The following ALMS1 variants were observed in gnomAD, a reference collection of about 807,000 sequenced individuals.
ALMS1 encodes ALMS1 centrosome and basal body associated protein, also known as centrosome-associated protein ALMS1.
In ALMS1, 271 loss-of-function variants were observed where a neutral mutation model predicts 352.2. The ratio of observed to expected loss-of-function variants is 0.77; its 90% CI spans 0.70 to 0.85. The LOEUF (loss-of-function observed/expected upper bound fraction) is 0.85. Among genes scored for constraint, ALMS1 ranks in the 40% least tolerant of loss-of-function variants. The pLI is 0.00. For synonymous variants in ALMS1, 1,865 were observed against 1,761.2 expected, an observed-to-expected ratio of 1.06 and a Z score of -1.48; for missense variants, 5,445 against 4,870.7, an observed-to-expected ratio of 1.12 and a Z score of -3.51.
chr2:73,486,263 A>G (rs886934181), intron 9 of ALMS1, among the ~76,000 whole-genome samples: 4 of 151,994 alleles, frequency 2.6e-5, no homozygotes, highest in African/African-American at 9.7e-5. Context: ...GCTGGGAGAG[A>G]GAGGGGCATT....
At chr2:73,385,832 C>T (rs1212398616), upstream of ALMS1, 3 of 680,846 alleles carry the variant, frequency 4.4e-6, no homozygotes, top group South Asian at 3.2e-5. Context: ...CTCCCCCCCT[C>T]CTCCTCCTCC....
intron 1 of ALMS1, among the ~76,000 whole-genome samples, chr2:73,399,016 G>GT (rs980698234): frequency 3.5e-4 from 53 of 151,380 alleles, no homozygotes; most frequent in South Asian, 2.9e-3. Flanking sequence ...GCTAATTTTT[G>GT]TTTTTTTTGT....
intron 9 of ALMS1, chr2:73,470,714 C>G (rs533788235): frequency 6.6e-5 from 10 of 151,748 alleles, no homozygotes; most frequent in Non-Finnish European, 1.3e-4. Context: ...CTGACATCTT[C>G]TACTGTATTG....
In ALMS1 at chr2:73,464,557, A is replaced by C. The variant is rs1204487155; in HGVS notation, c.7674+9262A>C. On this transcript the variant is annotated intron_variant, in intron 9 of 22. Coordinates refer to ENST00000613296, the MANE Select transcript of ALMS1 (RefSeq NM_001378454.1). ...GCACAAGACAGGGGTGCCCTCTCTC[A>C]CCACTCCTATTCAACATAGTGTTGG... 2.6e-5 allele frequency among the ~76,000 whole-genome samples: 4 copies of C among 152,156 alleles called. 1 individual carries two copies.
At chr2:73,543,210 C>T (rs928863443) in intron 12 of ALMS1, among the ~76,000 whole-genome samples, 60 of 152,214 alleles carry the variant, frequency 3.9e-4, no homozygotes, top group African/African-American at 1.2e-3. Context: ...GAAATAATGC[C>T]GCATATCTAC....
At chr2:73,491,933 A>G (rs1031078557) in intron 10 of ALMS1, among the ~76,000 whole-genome samples, 1 of 152,012 alleles carries the variant, frequency 6.6e-6, no homozygotes, top group African/African-American at 2.4e-5. Context: ...GACTTCCCTC[A>G]AATATTTAGT....
intron 16 of ALMS1, 88 bp downstream of exon 16, chr2:73,573,512 G>A (rs1674990332): frequency 7.1e-7 from 1 of 1,401,650 alleles, no homozygotes; most frequent in South Asian, 1.2e-5. Context: ...AAAAAAACAA[G>A]CCATTTGCCC....
At chr2:73,557,099 G>C (rs1283153657) in intron 13 of ALMS1, 121 bp from the exon 14 acceptor site, 6 of 1,346,232 alleles carry the variant, frequency 4.5e-6, no homozygotes, top group Non-Finnish European at 6.4e-6. Context: ...AGCCTAAGAG[G>C]TACTTTTTTC....
intron 4 of ALMS1, among the ~76,000 whole-genome samples, chr2:73,423,421 T>A (rs1380241062): frequency 6.6e-6 from 1 of 152,172 alleles, no homozygotes; most frequent in Non-Finnish European, 1.5e-5. Context: ...ATAGGAGGTG[T>A]CAATATGAAG....
chr2:73,600,971 T>C lies in ALMS1; in HGVS notation c.11872+90T>C, dbSNP rs200175259. 6.9e-5 allele frequency: 101 copies of C among 1,473,154 alleles called. No homozygotes were observed. The East Asian group carries it at 2.4e-3, about 36-fold the overall frequency. The allele number at this position is 1,473,154 out of a possible 1,614,324, so 91.3% of individuals were successfully genotyped here. The stretch of plus-strand genomic sequence containing the variant: ...GACTCTGTGTTTCCAAGTGACTCTA[T>C]GTGGTCCCCACCTACCCCCAGCCAC... On this transcript the variant is annotated intron_variant, in intron 18 of 22. Coordinates refer to ENST00000613296, the MANE Select transcript of ALMS1 (RefSeq NM_001378454.1).
Position 73,519,650 on chromosome 2 carries a change from A to G in ALMS1, c.9540-125A>G, listed in dbSNP as rs1158972396. On this transcript the variant is annotated intron_variant, in intron 10 of 22. Transcript: ENST00000613296. ...AAATTTTACCTTAATAACGTTTGAC[A>G]TTGATGTGTCCACAATATATTCCTA... The G allele has an allele frequency of 8.0e-6, 10 of 1,256,900 alleles. No homozygotes were observed. In the East Asian group the frequency reaches 2.1e-4, roughly 26 times the overall value. 77.9% of individuals were successfully genotyped at this position (1,256,900 alleles called of 1,614,324 possible).
Position 73,490,106 on chromosome 2 carries a change from C to T in ALMS1, c.8147C>T (p.Thr2716Ile). ...ATGAAAAAGTTTACTACCTCCATCA[C>T]TTTTTCATCTCACCGACATTCTAAA... ...EPMKKFTTSITFSSHRHSKCI... is the reference protein window; with the variant it reads ...EPMKKFTTSIIFSSHRHSKCI... The change falls in exon 10 of 23, where the codon ACT becomes ATT. Residue 2716 changes from threonine (T) to isoleucine (I), a missense_variant. Thr to Ile is a moderately conservative substitution (Grantham distance 89). Coordinates refer to ENST00000613296, the MANE Select transcript of ALMS1 (RefSeq NM_001378454.1). 1 of 1,614,204 alleles carries T rather than the reference C, an allele frequency of 6.2e-7. No homozygotes were observed. Among genetic ancestry groups the T allele is most frequent in the Non-Finnish European group, 8.5e-7 (1 of 1,180,044 alleles).
At chr2:73,405,400 C>T (rs1454560590) in intron 1 of ALMS1, among the ~76,000 whole-genome samples, 1 of 152,032 alleles carries the variant, frequency 6.6e-6, no homozygotes, top group African/African-American at 2.4e-5. Flanking sequence ...CTCCTATGAT[C>T]CTTTTTATTT....
chr2:73,448,420 T>C lies in ALMS1; in HGVS notation c.1893T>C (p.Phe631=), dbSNP rs1296914821. The C allele has an allele frequency of 6.2e-7, 1 of 1,613,904 alleles. No homozygotes were observed. Among genetic ancestry groups the C allele is most frequent in the East Asian group, 2.2e-5 (1 of 44,868 alleles). Residue 631 remains phenylalanine, a synonymous_variant, in exon 8 of 23, where the codon TTT becomes TTC. Transcript: ENST00000613296. ...SYSHREKPGT[F]YQQELPESNL... is the part of the protein sequence containing the mutation. ...CACATAGAGAGAAGCCTGGTACTTTTTACCAACAAGAGTTACCAGAGAGTA... is the reference window on the plus strand; with the variant it reads ...CACATAGAGAGAAGCCTGGTACTTTCTACCAACAAGAGTTACCAGAGAGTA...
chr2:73,561,787 G>A (rs1375240895), intron 15 of ALMS1, among the ~76,000 whole-genome samples: 3 of 152,090 alleles, frequency 2.0e-5, no homozygotes, highest in African/African-American at 7.3e-5. Flanking sequence ...CAACTTTGCA[G>A]GGGTTAGTGT....
At position 73,448,133 on chromosome 2, in the gene ALMS1, A is replaced by G. The variant is rs1402506238; in HGVS notation, c.1606A>G (p.Thr536Ala). The part of the protein sequence containing the change: ...LETTTGQHTD[T>A]LNQKTLADTH... ...AACTACTACTGGTCAACACACTGATACTCTCAACCAAAAGACATTAGCAGA... is the reference window on the plus strand; with the variant it reads ...AACTACTACTGGTCAACACACTGATGCTCTCAACCAAAAGACATTAGCAGA... Residue 536 changes from threonine (T) to alanine (A), a missense_variant, in exon 8 of 23, where the codon ACT becomes GCT. Physicochemically the swap from Thr to Ala is moderately conservative, Grantham distance 58. Coordinates refer to ENST00000613296, the MANE Select transcript of ALMS1 (RefSeq NM_001378454.1). The G allele has an allele frequency of 6.2e-7, 1 of 1,613,922 alleles. No individual in the cohort carries two copies. Among genetic ancestry groups the G allele is most frequent in the Non-Finnish European group, 8.5e-7 (1 of 1,179,882 alleles).
chr2:73,491,130 C>T lies in ALMS1; in HGVS notation c.9171C>T (p.Ser3057=), dbSNP rs1157529422. Reference sequence around the variant, plus strand: ...TAACTCTTTGTCCCAAGACTTCTTCCAAGTTGGATAGTGGAACTTTAGATG... The same window carrying T: ...TAACTCTTTGTCCCAAGACTTCTTCTAAGTTGGATAGTGGAACTTTAGATG... ...VHITLCPKTS[S]KLDSGTLDER... Residue 3057 remains serine (S), a synonymous_variant, in exon 10 of 23, where the codon TCC becomes TCT. Transcript: ENST00000613296. The T allele has an allele frequency of 6.2e-7, 1 of 1,614,024 alleles. No homozygotes were observed. Among genetic ancestry groups the T allele is most frequent in the Non-Finnish European group, 8.5e-7 (1 of 1,180,026 alleles).
chr2:73,576,298 C>T (rs1284140699), intron 16 of ALMS1, among the ~76,000 whole-genome samples: 1 of 151,974 alleles, frequency 6.6e-6, no homozygotes, highest in African/African-American at 2.4e-5. Context: ...TGTTTGGTTT[C>T]CCTTGAGATT....
intron 9 of ALMS1, among the ~76,000 whole-genome samples, chr2:73,483,469 TG>T (rs1672758285): frequency 6.6e-6 from 1 of 151,910 alleles, no homozygotes; most frequent in African/African-American, 2.4e-5. Flanking sequence ...CTTTTACATT[TG>T]TTGAGGAGAG....
Sources: allele counts gnomAD v4.1 joint callset (sites outside exome capture counted in the v4.1 genomes callset), GRCh38; gene constraint gnomAD v4.1.1; transcripts MANE v1.5; gene names NCBI Gene and HGNC (gene_info 2026-07-23, HGNC 2026-07-21).